The following ADGRL1 variants were observed in gnomAD, a reference collection of about 807,000 sequenced individuals.
ADGRL1 encodes CIRL-1.
ADGRL1 carries 31 observed loss-of-function variants against 148.9 expected under a neutral mutation model. The ratio of observed to expected loss-of-function variants is 0.21; its 90% CI spans 0.16 to 0.28. The LOEUF is 0.28. Among genes scored for constraint, ADGRL1 ranks in the 10% least tolerant of loss-of-function variants. ADGRL1 has a pLI of 1.00. For missense variants in ADGRL1, 1,521 were observed against 2,058.8 expected (o/e 0.74, Z 5.05); for synonymous variants, 937 against 900.3 (o/e 1.04, Z -0.73).
chr19:14,164,448 G>A (rs1442022920), intron 4 of ADGRL1, among the ~76,000 whole-genome samples: 1 of 152,086 alleles, frequency 6.6e-6, no homozygotes, highest in East Asian at 1.9e-4. Flanking sequence ...TGGCGGAGGA[G>A]AGAGGGGTGA....
chr19:14,188,313 C>T (rs114500743), intron 1 of ADGRL1, among the ~76,000 whole-genome samples: 1 of 152,014 alleles, frequency 6.6e-6, no homozygotes, highest in African/African-American at 2.4e-5. Context: ...TGGGCCAATA[C>T]AGGCCCCATC....
At chr19:14,167,299 G>A (rs1400218521) in intron 4 of ADGRL1, among the ~76,000 whole-genome samples, 2 of 151,974 alleles carry the variant, frequency 1.3e-5, no homozygotes, top group African/African-American at 4.8e-5. Flanking sequence ...ACACACAGGA[G>A]GGAGAAGACA....
chr19:14,196,160 G>A lies in ADGRL1; in HGVS notation c.-96+9825C>T, dbSNP rs935411636. ...CCCTGTCCCATCCAATCTCTACCTC[G>A]AGGCGAGAACAATCTTTGCAAAATG... On this transcript the variant is annotated intron_variant, in intron 1 of 22. Coordinates refer to ENST00000361434, the MANE Select transcript of ADGRL1 (RefSeq NM_014921.5). Among the ~76,000 whole-genome samples, 11 of 152,096 alleles carry A rather than the reference G, an allele frequency of 7.2e-5. No individual in the cohort carries two copies. The South Asian group carries it at 1.0e-3, about 14-fold the overall frequency.
Position 14,155,377 on chromosome 19 carries a change from G to A in ADGRL1, c.3276C>T (p.His1092=). 2 of 1,614,004 alleles carry A rather than the reference G, an allele frequency of 1.2e-6. No homozygotes were observed. The part of the protein sequence containing the change: ...AFQGVFIFVF[H]CALQKKVHKE... ...ACCTCACCTTCTTCTGTAAGGCGCA[G>A]TGAAAGACGAAGATGAAGACCCCCT... is the stretch of plus-strand genomic sequence containing the variant. The change falls in exon 18 of 23, where the codon CAC becomes CAT. Residue 1092 remains histidine (H), a synonymous_variant. Transcript: ENST00000361434. The surrounding 1 kb of genome is among the most constrained non-coding windows in gnomAD (Gnocchi z 5.0).
chr19:14,178,809 G>C (rs1238143961), intron 2 of ADGRL1, among the ~76,000 whole-genome samples: 1 of 152,140 alleles, frequency 6.6e-6, no homozygotes, highest in Non-Finnish European at 1.5e-5. Context: ...CTCGCACCTG[G>C]CTAAAAGGAG....
chr19:14,199,837 G>C (rs755567127), intron 1 of ADGRL1, among the ~76,000 whole-genome samples: 1 of 152,014 alleles, frequency 6.6e-6, no homozygotes, highest in African/African-American at 2.4e-5. Context: ...AGGTTCAAGC[G>C]ATTCTCCTGA....
In ADGRL1 at chr19:14,163,386, G is replaced by C; in HGVS notation, c.415C>G (p.Leu139Val). The C allele has an allele frequency of 6.4e-7, 1 of 1,571,954 alleles. No homozygotes were observed. Among genetic ancestry groups the C allele is most frequent in the African/African-American group, 1.3e-5 (1 of 74,216 alleles). Residue 139 changes from leucine (L) to valine (V), a missense_variant, in exon 5 of 23, where the codon CTG becomes GTG. Transcript: ENST00000361434. ...VPYIFVCPGTLQKVLEPTSTH... is the reference protein window; with the variant it reads ...VPYIFVCPGTVQKVLEPTSTH... ...GAGGTGGGCTCCAGCACCTTCTGCA[G>C]GGTCCCTGGGCACACGAAGACTGGG...
At chr19:14,175,976 C>A (rs1970796058) in intron 3 of ADGRL1, among the ~76,000 whole-genome samples, 1 of 151,618 alleles carries the variant, frequency 6.6e-6, no homozygotes, top group Non-Finnish European at 1.5e-5. Context: ...ATTGCTTGAA[C>A]CCTGGAGGTG....
rs146071872 is a variant in ADGRL1, at chr19:14,176,178, G to A, written c.284+1353C>T. Reference sequence around the variant, plus strand: ...ATCCTGGCCAAGATGGTGACACCCCGTCTCTATTAAAAATACAAAAAAATT... The same window carrying A: ...ATCCTGGCCAAGATGGTGACACCCCATCTCTATTAAAAATACAAAAAAATT... On this transcript the variant is annotated intron_variant, in intron 3 of 22. Transcript: ENST00000361434. Among the ~76,000 whole-genome samples the A allele has an allele frequency of 8.4e-3, 1,268 of 151,264 alleles. 18 individuals carry two copies. Among genetic ancestry groups the A allele is most frequent in the African/African-American group, 0.029 (1,211 of 41,170 alleles).
At position 14,160,219 on chromosome 19, in the gene ADGRL1, C is replaced by T. The variant is rs905655788; in HGVS notation, c.1693G>A (p.Val565Ile). The change falls in exon 8 of 23, where the codon GTC becomes ATC. Residue 565 changes from valine (V) to isoleucine (I), a missense_variant. Val to Ile is a conservative substitution (Grantham distance 29, BLOSUM62 3). Coordinates refer to ENST00000361434, the MANE Select transcript of ADGRL1 (RefSeq NM_014921.5). The surrounding 1 kb of genome is among the most constrained non-coding windows in gnomAD (Gnocchi z 5.9). ...HTRGSIYAGDVSSSVKLMEQL... is the reference protein window; with the variant it reads ...HTRGSIYAGDISSSVKLMEQL... ...TCCATCAGCTTCACAGAGGAGGAGA[C>T]GTCCCCCGCGTAGATGGAGCCCCGG... 7 of 1,601,614 alleles carry T rather than the reference C, an allele frequency of 4.4e-6. No individual in the cohort carries two copies. The highest frequency in any genetic ancestry group is 2.7e-5 in the African/African-American group (2 of 74,814).
chr19:14,182,455 G>A (rs543011574), intron 2 of ADGRL1, among the ~76,000 whole-genome samples: 2 of 152,280 alleles, frequency 1.3e-5, no homozygotes, highest in East Asian at 1.9e-4. Context: ...GCTGTACGAG[G>A]TTTCGGGAGG....
intron 3 of ADGRL1, among the ~76,000 whole-genome samples, chr19:14,173,943 C>CAAA (rs774211423): frequency 0.013 from 443 of 32,884 alleles, 18 homozygotes; most frequent in African/African-American, 0.047. Flanking sequence ...GACTCCGTCT[C>CAAA]AAAAAAAAAA....
Position 14,159,033 on chromosome 19 carries a change from G to T in ADGRL1, c.2149+57C>A, listed in dbSNP as rs1969068476. The T allele has an allele frequency of 3.1e-6, 5 of 1,604,450 alleles. No individual in the cohort carries two copies. Among genetic ancestry groups the T allele is most frequent in the Non-Finnish European group, 3.4e-6 (4 of 1,175,274 alleles). On this transcript the variant is annotated intron_variant, in intron 11 of 22. Coordinates refer to ENST00000361434, the MANE Select transcript of ADGRL1 (RefSeq NM_014921.5). The surrounding 1 kb of genome is among the most constrained non-coding windows in gnomAD (Gnocchi z 6.0). ...AATGGCACAGAGACGCTGGCACAGA[G>T]CTGGGGGGTGGGGGTGGGGCTGCTT...
In ADGRL1 at chr19:14,152,711, G is replaced by A; in HGVS notation, c.3423+73C>T. The A allele has an allele frequency of 6.3e-7, 1 of 1,599,908 alleles. No homozygotes were observed. The highest frequency in any genetic ancestry group is 1.1e-5 in the South Asian group (1 of 90,024). On this transcript the variant is annotated intron_variant, in intron 19 of 22. Coordinates refer to ENST00000361434, the MANE Select transcript of ADGRL1 (RefSeq NM_014921.5). This position sits in a 1 kb window ranked among gnomAD's most constrained non-coding sequence, Gnocchi z 6.1. ...CTGATCATCACGATCAGAAACCTAG[G>A]CCAAGCCACTCCCCACCTCTCAGGC...
At chr19:14,192,902 C>T (rs1382062147) in intron 1 of ADGRL1, among the ~76,000 whole-genome samples, 1 of 152,132 alleles carries the variant, frequency 6.6e-6, no homozygotes, top group Non-Finnish European at 1.5e-5. Flanking sequence ...GAGGCTGGAA[C>T]TTGGTTTCCC....
chr19:14,184,028 A>G (rs1971403989), intron 1 of ADGRL1, among the ~76,000 whole-genome samples: 2 of 151,918 alleles, frequency 1.3e-5, no homozygotes, highest in South Asian at 2.1e-4. Context: ...GACCCTGCCC[A>G]CTCATCTCCC....
chr19:14,183,468 T>C (rs936805751), intron 2 of ADGRL1, 65 bp downstream of exon 2: 4 of 1,325,434 alleles, frequency 3.0e-6, no homozygotes, highest in Non-Finnish European at 3.0e-6. Flanking sequence ...GTTTTCAACA[T>C]TTTATCTGCC....
At chr19:14,204,725 A>T (rs1972857282) in intron 1 of ADGRL1, among the ~76,000 whole-genome samples, 3 of 150,630 alleles carry the variant, frequency 2.0e-5, no homozygotes, top group Admixed American at 6.6e-5. Context: ...AGAGAGAGAG[A>T]GAGAGAGAGA....
rs149824814 is a variant in ADGRL1 at position 14,157,347 on chromosome 19, C to T, written c.2649G>A (p.Leu883=). Reference sequence around the variant, plus strand: ...TGTGGATGGTGTTGCGGTCGGTCTGCAGCCCCCGCAGGAAGCAGAAGGTGG... The same window carrying T: ...TGTGGATGGTGTTGCGGTCGGTCTGTAGCCCCCGCAGGAAGCAGAAGGTGG... The part of the protein sequence containing the change: ...CISTFCFLRG[L]QTDRNTIHKN... Residue 883 remains leucine (L), a synonymous_variant, in exon 14 of 23, where the codon CTG becomes CTA. Transcript: ENST00000361434. The surrounding 1 kb of genome is among the most constrained non-coding windows in gnomAD (Gnocchi z 7.5). 1 of 1,614,058 alleles carries T rather than the reference C, an allele frequency of 6.2e-7. No individual in the cohort carries two copies. The highest frequency in any genetic ancestry group is 1.3e-5 in the African/African-American group (1 of 74,938).
Sources: gnomAD v4.1 joint callset for allele counts (sites outside exome capture counted in the v4.1 genomes callset) on GRCh38, gnomAD v4.1.1 for gene constraint, Gnocchi (gnomAD v3.1) non-coding constraint, MANE v1.5 for transcripts, NCBI Gene and HGNC (gene_info 2026-07-23, HGNC 2026-07-21) for gene names.